The following EPHA6 variants were observed in gnomAD, a reference collection of about 807,000 sequenced individuals.
EPHA6 encodes EPH receptor A6.
EPHA6 carries 50 observed loss-of-function variants against 112.0 expected under a neutral mutation model. The observed-to-expected ratio is 0.45, with a 90% CI of 0.36 to 0.56. EPHA6 has a LOEUF of 0.56. EPHA6 is among the 20% of genes least tolerant of loss of function. The pLI, the probability that EPHA6 is intolerant of heterozygous loss-of-function variation, is 0.00. For missense variants in EPHA6, 1,280 were observed against 1,417.4 expected (o/e 0.90, Z 1.56); for synonymous variants, 529 against 490.7 (o/e 1.08, Z -1.03).
chr3:96,952,169 G>C (rs2041569697), intron 2 of EPHA6, among the ~76,000 whole-genome samples: 1 of 152,158 alleles, frequency 6.6e-6, no homozygotes, highest in Admixed American at 6.5e-5. Flanking sequence ...ACAAGAAGGT[G>C]AGCTACTTGT....
At chr3:97,162,537 G>C (rs2076438990) in intron 3 of EPHA6, among the ~76,000 whole-genome samples, 1 of 152,068 alleles carries the variant, frequency 6.6e-6, no homozygotes, top group Non-Finnish European at 1.5e-5. Flanking sequence ...TGGTCTCCTG[G>C]AATTAGTATC....
chr3:96,919,385 A>G (rs2039647214), intron 2 of EPHA6, among the ~76,000 whole-genome samples: 1 of 151,944 alleles, frequency 6.6e-6, no homozygotes. Context: ...AATGTAAAAT[A>G]AAAGAAGTTT....
intron 14 of EPHA6, among the ~76,000 whole-genome samples, chr3:97,705,182 T>C (rs551358745): frequency 1.3e-5 from 2 of 152,222 alleles, no homozygotes; most frequent in South Asian, 4.2e-4. Flanking sequence ...TCTCACCTCT[T>C]TTCTCCAATT....
In EPHA6 at chr3:97,752,122, T is replaced by C. The variant is rs886749236; in HGVS notation, c.*3421T>C. On this transcript the variant is annotated 3_prime_UTR_variant, in exon 18 of 18. Transcript: ENST00000389672. The stretch of plus-strand genomic sequence containing the variant: ...CTACATTCCATATCAAAATAAGACA[T>C]CTTATTTCACTCTGCATTGGTCTTT... 2.7e-5 allele frequency: 6 copies of C among 223,940 alleles called. No individual in the cohort carries two copies. Among genetic ancestry groups the C allele is most frequent in the Non-Finnish European group, 5.3e-5 (6 of 112,248 alleles). 13.9% of individuals were successfully genotyped at this position (223,940 alleles called of 1,614,324 possible).
Position 97,288,278 on chromosome 3 carries a change from T to C in EPHA6, c.1606+43991T>C, listed in dbSNP as rs1356391888. 3.3e-5 allele frequency among the ~76,000 whole-genome samples: 5 copies of C among 152,128 alleles called. No homozygotes were observed. In the South Asian group the frequency reaches 8.3e-4, roughly 25 times the overall value. ...AGTAGTCCCATGTCCTTTGTTGCCA[T>C]CTTTATGTCCATAAGTATTCAACTT... is the stretch of plus-strand genomic sequence containing the variant. On this transcript the variant is annotated intron_variant, in intron 5 of 17. Transcript: ENST00000389672.
chr3:97,561,817 T>A (rs1368361694), intron 11 of EPHA6, among the ~76,000 whole-genome samples: 3 of 152,096 alleles, frequency 2.0e-5, no homozygotes, highest in Admixed American at 2.0e-4. Flanking sequence ...ACAAGCTGAC[T>A]TTTCTGTAGG....
At position 97,405,903 on chromosome 3, in the gene EPHA6, A is replaced by G. The variant is rs116247652; in HGVS notation, c.1731+629A>G. 2.1e-3 allele frequency among the ~76,000 whole-genome samples: 312 copies of G among 151,996 alleles called. 2 individuals carry two copies. Among genetic ancestry groups the G allele is most frequent in the African/African-American group, 7.0e-3 (292 of 41,496 alleles). On this transcript the variant is annotated intron_variant, in intron 6 of 17. Transcript: ENST00000389672. ...CCCCATTATATACTTTATTCCCTTT[A>G]TTATATTTATGTTCTTTATGCATTT...
intron 15 of EPHA6, among the ~76,000 whole-genome samples, chr3:97,722,528 TATCTTTC>T (rs2034574385): frequency 6.6e-6 from 1 of 152,172 alleles, no homozygotes; most frequent in Non-Finnish European, 1.5e-5. Flanking sequence ...GGAATAATTG[TATCTTTC>T]ATGGTGGTTT....
chr3:97,712,085 T>G (rs2033995976), intron 14 of EPHA6, among the ~76,000 whole-genome samples: 1 of 152,248 alleles, frequency 6.6e-6, no homozygotes, highest in African/African-American at 2.4e-5. Flanking sequence ...TATTAACAAT[T>G]GCCAATGGCC....
At chr3:97,101,669 C>T (rs1453719667) in intron 3 of EPHA6, among the ~76,000 whole-genome samples, 4 of 152,122 alleles carry the variant, frequency 2.6e-5, no homozygotes, top group Admixed American at 2.6e-4. Context: ...TTTTAGGTTT[C>T]TGTTTAGTAA....
chr3:97,197,394 A>G (rs1395927984), intron 3 of EPHA6, among the ~76,000 whole-genome samples: 3 of 151,824 alleles, frequency 2.0e-5, no homozygotes, highest in Non-Finnish European at 4.4e-5. Context: ...CACATGGTGG[A>G]TCCTGCCAAA....
At chr3:96,879,109 T>C (rs1243871323) in intron 2 of EPHA6, among the ~76,000 whole-genome samples, 1 of 152,076 alleles carries the variant, frequency 6.6e-6, no homozygotes, top group African/African-American at 2.4e-5. Flanking sequence ...GATTATGTTT[T>C]CATTATTTCA....
chr3:97,374,241 C>T (rs1049334018), intron 5 of EPHA6, among the ~76,000 whole-genome samples: 1 of 152,050 alleles, frequency 6.6e-6, no homozygotes, highest in Admixed American at 6.6e-5. Context: ...TCCTAACTTC[C>T]CTAATCAGCC....
chr3:96,879,838 T>C (rs2037202491), intron 2 of EPHA6, among the ~76,000 whole-genome samples: 1 of 152,114 alleles, frequency 6.6e-6, no homozygotes, highest in Non-Finnish European at 1.5e-5. Context: ...GTGCTACCAA[T>C]TTGTGTACTC....
intron 7 of EPHA6, among the ~76,000 whole-genome samples, chr3:97,474,658 A>G (rs2091320037): frequency 6.6e-6 from 1 of 152,036 alleles, no homozygotes; most frequent in Non-Finnish European, 1.5e-5. Flanking sequence ...ATGTTAAAAG[A>G]TTCCCAGAAG....
At chr3:97,491,771 C>G (rs1330180783) in intron 10 of EPHA6, among the ~76,000 whole-genome samples, 2 of 151,902 alleles carry the variant, frequency 1.3e-5, no homozygotes, top group African/African-American at 2.4e-5. Flanking sequence ...ATAATGTCGG[C>G]CCTGTGAGTT....
intron 5 of EPHA6, among the ~76,000 whole-genome samples, chr3:97,258,769 C>T (rs1170698168): frequency 6.6e-6 from 1 of 152,070 alleles, no homozygotes; most frequent in African/African-American, 2.4e-5. Context: ...TTTAATCTCT[C>T]CAGACCTCAG....
intron 11 of EPHA6, among the ~76,000 whole-genome samples, chr3:97,539,013 T>TTCTC (rs1406883479): frequency 6.6e-6 from 1 of 150,954 alleles, no homozygotes; most frequent in African/African-American, 2.5e-5. Flanking sequence ...CTTTCTTTCT[T>TTCTC]TCTTTCTTTC....
At chr3:97,660,464 G>A (rs1048196037) in intron 14 of EPHA6, among the ~76,000 whole-genome samples, 1 of 152,088 alleles carries the variant, frequency 6.6e-6, no homozygotes. Flanking sequence ...CTCAGTGTAT[G>A]TAGCTTGAAT....
Sources: gnomAD v4.1 joint callset for allele counts (sites outside exome capture counted in the v4.1 genomes callset) on GRCh38, gnomAD v4.1.1 for gene constraint, MANE v1.5 for transcripts, NCBI Gene and HGNC (gene_info 2026-07-23, HGNC 2026-07-21) for gene names.